PTCHD4: variants seen among roughly 807,000 people sequenced by gnomAD.
PTCHD4 encodes patched domain-containing protein 4.
Under a neutral mutation model 58.1 loss-of-function variants are expected in PTCHD4, and 33 were observed. The observed-to-expected ratio is 0.57, with a 90% CI of 0.43 to 0.76. The LOEUF is 0.76. Ranked by LOEUF, PTCHD4 falls within the 30% of genes least tolerant of loss-of-function variation. PTCHD4 has a pLI of 0.00. For synonymous variants in PTCHD4, 478 were observed against 409.6 expected, an observed-to-expected ratio of 1.17 and a Z score of -2.02; for missense variants, 1,058 against 1,027.1, an observed-to-expected ratio of 1.03 and a Z score of -0.41.
intron 4 of PTCHD4, among the ~76,000 whole-genome samples, chr6:47,968,768 T>C (rs2113983476): frequency 6.6e-6 from 1 of 152,204 alleles, no homozygotes; most frequent in Middle Eastern, 3.4e-3. Context: ...CCTCTATAAA[T>C]ACAAACAAGA....
intron 4 of PTCHD4, among the ~76,000 whole-genome samples, chr6:47,941,098 C>CA (rs1211299270): frequency 6.6e-6 from 1 of 152,214 alleles, no homozygotes; most frequent in African/African-American, 2.4e-5. Flanking sequence ...CCTCCGTACT[C>CA]ACTCTCCCTC....
chr6:48,064,695 T>G (rs1582100219), intron 3 of PTCHD4, among the ~76,000 whole-genome samples: 1 of 152,144 alleles, frequency 6.6e-6, no homozygotes, highest in African/African-American at 2.4e-5. Flanking sequence ...AGTATAAGTG[T>G]GCAAATTAAT....
chr6:48,099,895 A>G (rs939163158), intron 1 of PTCHD4, among the ~76,000 whole-genome samples: 8 of 152,264 alleles, frequency 5.3e-5, no homozygotes, highest in African/African-American at 1.9e-4. Flanking sequence ...TTTTCTGCAG[A>G]TAACCTCATT....
rs559283058 is a variant in PTCHD4, at chr6:48,075,844, A to G, written c.-969-5918T>C. 9.3e-4 allele frequency among the ~76,000 whole-genome samples: 141 copies of G among 152,330 alleles called. 1 individual carries two copies. The highest frequency in any genetic ancestry group is 3.2e-3 in the African/African-American group (134 of 41,576). On this transcript the variant is annotated intron_variant, in intron 1 of 4. Transcript: ENST00000339488. Reference sequence around the variant, plus strand: ...GGTGGAAGGTCGTGCCTTGATGTTGATGGCAGCTGACTGCTCAGGGTGATG... The same window carrying G: ...GGTGGAAGGTCGTGCCTTGATGTTGGTGGCAGCTGACTGCTCAGGGTGATG...
chr6:47,992,820 C>T (rs987305410), intron 4 of PTCHD4, among the ~76,000 whole-genome samples: 1 of 152,042 alleles, frequency 6.6e-6, no homozygotes, highest in Non-Finnish European at 1.5e-5. Flanking sequence ...AACACAGACA[C>T]GCCCAATTAC....
At chr6:48,095,100 T>C (rs1168302523) in intron 1 of PTCHD4, among the ~76,000 whole-genome samples, 1 of 152,208 alleles carries the variant, frequency 6.6e-6, no homozygotes, top group Non-Finnish European at 1.5e-5. Context: ...TCTTGATGTG[T>C]TGATAGTTTC....
At chr6:47,897,751 T>G (rs1445016991) in intron 4 of PTCHD4, among the ~76,000 whole-genome samples, 1 of 152,122 alleles carries the variant, frequency 6.6e-6, no homozygotes, top group East Asian at 1.9e-4. Flanking sequence ...TGATGTATTC[T>G]CTACTACAAA....
chr6:48,109,991 G>T (rs571929291), intron 1 of PTCHD4, among the ~76,000 whole-genome samples: 1 of 152,188 alleles, frequency 6.6e-6, no homozygotes, highest in South Asian at 2.1e-4. Flanking sequence ...AGAAAAGAGA[G>T]CCCTTGTATA....
chr6:48,067,528 CA>C (rs1764841270), intron 3 of PTCHD4, among the ~76,000 whole-genome samples: 2 of 152,174 alleles, frequency 1.3e-5, no homozygotes, highest in Admixed American at 1.3e-4. Context: ...CCATACACAT[CA>C]TTCCTGGAAT....
intron 4 of PTCHD4, among the ~76,000 whole-genome samples, chr6:47,948,507 C>T (rs1174844567): frequency 1.3e-5 from 2 of 152,138 alleles, no homozygotes; most frequent in African/African-American, 4.8e-5. Flanking sequence ...ACCAAATATA[C>T]TTTTTTAGCT....
At chr6:47,924,165 C>A (rs1310065915) in intron 4 of PTCHD4, among the ~76,000 whole-genome samples, 1 of 152,216 alleles carries the variant, frequency 6.6e-6, no homozygotes, top group South Asian at 2.1e-4. Flanking sequence ...GAGCCTCCCC[C>A]TCATCCCGAG....
chr6:48,049,602 C>T (rs913076685), intron 3 of PTCHD4, among the ~76,000 whole-genome samples: 10 of 151,924 alleles, frequency 6.6e-5, no homozygotes, highest in African/African-American at 2.4e-4. Context: ...CTCACTTCAT[C>T]CTAAAAGCCT....
intron 3 of PTCHD4, among the ~76,000 whole-genome samples, chr6:48,039,987 G>C (rs1048915021): frequency 2.6e-5 from 4 of 152,102 alleles, no homozygotes; most frequent in Admixed American, 6.6e-5. Flanking sequence ...ATAAGTCTGA[G>C]ATGGGGCCCA....
intron 1 of PTCHD4, among the ~76,000 whole-genome samples, chr6:48,090,885 A>G (rs1194002450): frequency 2.6e-5 from 4 of 152,210 alleles, no homozygotes; most frequent in African/African-American, 9.6e-5. Context: ...ATGCTCCCAC[A>G]TTATTTAAAT....
chr6:47,912,076 A>G lies in PTCHD4; in HGVS notation c.899-32140T>C, dbSNP rs546738737. On this transcript the variant is annotated intron_variant, in intron 4 of 4. Transcript: ENST00000339488. Reference sequence around the variant, plus strand: ...TGTGTCAAATGTTGCTCTGGGGCTGATAAAGAAGAGAATAGAGAATTGACC... The same window carrying G: ...TGTGTCAAATGTTGCTCTGGGGCTGGTAAAGAAGAGAATAGAGAATTGACC... Among the ~76,000 whole-genome samples, 21 of 152,246 alleles carry G rather than the reference A, an allele frequency of 1.4e-4. No homozygotes were observed. In the East Asian group the frequency reaches 3.7e-3, roughly 27 times the overall value.
chr6:48,077,773 A>C (rs988962642), intron 1 of PTCHD4, among the ~76,000 whole-genome samples: 4 of 152,162 alleles, frequency 2.6e-5, no homozygotes, highest in African/African-American at 9.7e-5. Context: ...AGAGAGAGAG[A>C]GATGAAGGAG....
intron 4 of PTCHD4, among the ~76,000 whole-genome samples, chr6:47,954,691 T>C (rs1435198547): frequency 6.6e-6 from 1 of 152,206 alleles, no homozygotes; most frequent in Non-Finnish European, 1.5e-5. Flanking sequence ...GTAGTATTAG[T>C]GTAGTATACT....
At chr6:48,057,072 T>C (rs983926262) in intron 3 of PTCHD4, among the ~76,000 whole-genome samples, 3 of 152,230 alleles carry the variant, frequency 2.0e-5, no homozygotes, top group Non-Finnish European at 4.4e-5. Flanking sequence ...ACCCATCAGG[T>C]GCCCAAGCAT....
chr6:48,016,729 G>T (rs1002332252), intron 3 of PTCHD4, among the ~76,000 whole-genome samples: 4 of 151,904 alleles, frequency 2.6e-5, no homozygotes, highest in Non-Finnish European at 4.4e-5. Flanking sequence ...GCTTTCAATA[G>T]CTCTAGAGTA....
Sources: gnomAD v4.1 joint callset for allele counts (sites outside exome capture counted in the v4.1 genomes callset) on GRCh38, gnomAD v4.1.1 for gene constraint, MANE v1.5 for transcripts, NCBI Gene and HGNC (gene_info 2026-07-23, HGNC 2026-07-21) for gene names.